The following WDR20 variants were observed in gnomAD, a reference collection of about 807,000 sequenced individuals.
WDR20 encodes the protein WD repeat-containing protein 20.
Under a neutral mutation model 38.7 loss-of-function variants are expected in WDR20, and 3 were observed. That is an observed-to-expected ratio of 0.08 (90% confidence interval 0.04 to 0.20). The LOEUF (loss-of-function observed/expected upper bound fraction) is 0.20, where lower values mean the gene tolerates loss of function less well. Ranked by LOEUF, WDR20 falls within the 10% of genes least tolerant of loss-of-function variation. The pLI, the probability that WDR20 is intolerant of heterozygous loss-of-function variation, is 1.00. For missense variants in WDR20, 559 were observed against 727.7 expected (o/e 0.77, Z 2.67); for synonymous variants, 298 against 285.6 (o/e 1.04, Z -0.44).
chr14:102,187,866 G>A (rs1306435136), intron 1 of WDR20, among the ~76,000 whole-genome samples: 1 of 152,192 alleles, frequency 6.6e-6, no homozygotes, highest in Non-Finnish European at 1.5e-5. Context: ...GCTTAAGGAT[G>A]GGAGGAGTGG....
At chr14:102,218,136 G>A (rs150480171), downstream of WDR20, among the ~76,000 whole-genome samples, 6 of 152,352 alleles carry the variant, frequency 3.9e-5, no homozygotes, top group Middle Eastern at 3.4e-3. Context: ...CTGCCCGCCC[G>A]CGTGCCTGCC....
intron 2 of WDR20, chr14:102,195,926 C>T (rs555994274): frequency 3.3e-5 from 5 of 152,332 alleles, no homozygotes; most frequent in Non-Finnish European, 7.3e-5. Flanking sequence ...GAGTTAGAAG[C>T]CCTGGGTTCC....
chr14:102,214,198 C>G, downstream of WDR20: 1 of 985,632 alleles, frequency 1.0e-6, no homozygotes. Context: ...GTCTGGGTGA[C>G]AAAGGTGAAG....
chr14:102,178,297 C>G (rs953289328), intron 1 of WDR20, among the ~76,000 whole-genome samples: 13 of 151,658 alleles, frequency 8.6e-5, no homozygotes, highest in Non-Finnish European at 1.8e-4. Context: ...GAGGCTGAGG[C>G]AGGAGAATTG....
chr14:102,149,928 C>T (rs1483761282), intron 1 of WDR20, among the ~76,000 whole-genome samples: 1 of 151,980 alleles, frequency 6.6e-6, no homozygotes, highest in Non-Finnish European at 1.5e-5. Context: ...CTCCTCACCT[C>T]GTGATCCACC....
intron 2 of WDR20, among the ~76,000 whole-genome samples, chr14:102,195,391 A>G (rs1480735252): frequency 6.6e-6 from 1 of 152,240 alleles, no homozygotes; most frequent in African/African-American, 2.4e-5. Context: ...AGATAGGGAC[A>G]GTACTGTAAC....
intron 1 of WDR20, among the ~76,000 whole-genome samples, chr14:102,148,669 T>TGTGTGTG (rs2054563368): frequency 1.4e-5 from 2 of 144,836 alleles, no homozygotes; most frequent in Admixed American, 6.9e-5. Flanking sequence ...GAGTTTGGCT[T>TGTGTGTG]TGTGTGTGTG....
chr14:102,166,999 C>T (rs1015828660), intron 1 of WDR20, among the ~76,000 whole-genome samples: 2 of 152,168 alleles, frequency 1.3e-5, no homozygotes, highest in South Asian at 4.1e-4. Context: ...AAATGTGAAT[C>T]GGATTGTCAC....
chr14:102,188,432 G>C (rs1308473280), intron 1 of WDR20, among the ~76,000 whole-genome samples: 1 of 152,168 alleles, frequency 6.6e-6, no homozygotes, highest in Non-Finnish European at 1.5e-5. Context: ...GCAGGGCTAT[G>C]GTGAAGGCAT....
intron 1 of WDR20, among the ~76,000 whole-genome samples, chr14:102,152,643 G>T (rs1209855172): frequency 2.0e-5 from 3 of 152,046 alleles, no homozygotes; most frequent in Admixed American, 2.0e-4. Context: ...TGGATCTCTT[G>T]CCCTCATATG....
At chr14:102,172,425 C>T (rs1272541127) in intron 1 of WDR20, among the ~76,000 whole-genome samples, 2 of 151,500 alleles carry the variant, frequency 1.3e-5, no homozygotes, top group Admixed American at 1.3e-4. Context: ...CTGTTGGGCA[C>T]ACCTCCCAGA....
Position 102,210,440 on chromosome 14 carries a change from CAGAA to C in WDR20, c.*564_*567del, listed in dbSNP as rs2062327640. On this transcript the variant is annotated 3_prime_UTR_variant, in exon 3 of 3. Coordinates refer to ENST00000342702, the MANE Select transcript of WDR20 (RefSeq NM_144574.4). ...ATTTTTACATTGTTCTGGCAATCCA[CAGAA>C]AGAGAAGAGCCTTAATTTTTAAAAC... 1.0e-6 allele frequency: 1 copy of C among 985,374 alleles called. No homozygotes were observed. The highest frequency in any genetic ancestry group is 1.2e-6 in the Non-Finnish European group (1 of 829,896). 61.0% of individuals were successfully genotyped at this position (985,374 alleles called of 1,614,324 possible).
At chr14:102,216,207 C>G (rs1356517339), downstream of WDR20, among the ~76,000 whole-genome samples, 4 of 152,220 alleles carry the variant, frequency 2.6e-5, no homozygotes, top group Non-Finnish European at 5.9e-5. Context: ...TCTGGGCTGT[C>G]AAAGCGGAGG....
In WDR20 at chr14:102,210,408, T is replaced by C. The variant is rs2062320091; in HGVS notation, c.*528T>C. On this transcript the variant is annotated 3_prime_UTR_variant, in exon 3 of 3. Coordinates refer to ENST00000342702, the MANE Select transcript of WDR20 (RefSeq NM_144574.4). ...GAACAAAACGTTTAGCAGGGTTGAT[T>C]GATATTATTTTTACATTGTTCTGGC... 2 of 985,398 alleles carry C rather than the reference T, an allele frequency of 2.0e-6. No homozygotes were observed. The highest frequency in any genetic ancestry group is 3.5e-5 in the African/African-American group (2 of 57,240). The allele number at this position is 985,398 out of a possible 1,614,324, so 61.0% of individuals were successfully genotyped here.
intron 1 of WDR20, among the ~76,000 whole-genome samples, chr14:102,172,827 G>A (rs1476468777): frequency 2.7e-5 from 4 of 147,826 alleles, no homozygotes; most frequent in Middle Eastern, 3.5e-3. Context: ...GGCGGCTGCC[G>A]GGCGGAGGGT....
chr14:102,187,213 C>T (rs1187361101), intron 1 of WDR20, among the ~76,000 whole-genome samples: 1 of 152,162 alleles, frequency 6.6e-6, no homozygotes, highest in Admixed American at 6.5e-5. Context: ...TTTGATGTTA[C>T]TCAGACTGCT....
chr14:102,210,934 C>T (rs80284223), downstream of WDR20, among the ~76,000 whole-genome samples: 851 of 152,266 alleles, frequency 5.6e-3, 18 homozygotes, highest in East Asian at 0.033. Context: ...GCTGTGGTTC[C>T]GGGATTACTC....
chr14:102,190,233 T>C (rs896955846), intron 1 of WDR20, among the ~76,000 whole-genome samples: 15 of 152,120 alleles, frequency 9.9e-5, no homozygotes, highest in African/African-American at 3.6e-4. Flanking sequence ...GGATGATGAT[T>C]GTAAAGTTCC....
At chr14:102,177,756 T>G (rs2062477897) in intron 1 of WDR20, among the ~76,000 whole-genome samples, 1 of 152,190 alleles carries the variant, frequency 6.6e-6, no homozygotes, top group African/African-American at 2.4e-5. Flanking sequence ...TCATGCCTCC[T>G]CATGGGTCCC....
Sources: allele counts gnomAD v4.1 joint callset (sites outside exome capture counted in the v4.1 genomes callset), GRCh38; gene constraint gnomAD v4.1.1; transcripts MANE v1.5; gene names NCBI Gene and HGNC (gene_info 2026-07-23, HGNC 2026-07-21).